Variants in POM121 observed in about 807,000 individuals in gnomAD.
The protein encoded by POM121 is POM121 transmembrane nucleoporin, also known as nuclear envelope pore membrane protein POM 121.
In POM121, 32 loss-of-function variants were observed where a neutral mutation model predicts 81.3. The observed-to-expected ratio is 0.39, with a 90% CI of 0.30 to 0.53. POM121 has a LOEUF of 0.53. Among genes scored for constraint, POM121 ranks in the 20% least tolerant of loss-of-function variants. The pLI, the probability that POM121 is intolerant of heterozygous loss-of-function variation, is 0.66. For synonymous variants in POM121, 514 were observed against 694.2 expected (o/e 0.74, Z 4.08); for missense variants, 1,138 against 1,614.6 (o/e 0.70, Z 5.06).
intron 3 of POM121, among the ~76,000 whole-genome samples, chr7:72,904,536 G>A (rs1185473144): frequency 6.6e-5 from 10 of 152,278 alleles, no homozygotes; most frequent in Non-Finnish European, 1.3e-4. Context: ...TGAGAATAAG[G>A]TCTGCTCTGT....
intron 3 of POM121, among the ~76,000 whole-genome samples, chr7:72,927,842 AC>A (rs1795617191): frequency 6.6e-6 from 1 of 152,092 alleles, no homozygotes; most frequent in Non-Finnish European, 1.5e-5. Context: ...ATGGGACCCT[AC>A]TCCAAGTGCT....
rs1379461736 is a variant in POM121, at chr7:72,888,602, T to C, written c.-520-2025T>C. Among the ~76,000 whole-genome samples the C allele has an allele frequency of 3.9e-5, 6 of 152,140 alleles. No individual in the cohort carries two copies. The East Asian group carries it at 1.2e-3, about 29-fold the overall frequency. ...TTTATTAATACCTTGTTCTTGATCTTAGTGGGAAGATATGTAGTTTTTCCC... is the reference window on the plus strand; with the variant it reads ...TTTATTAATACCTTGTTCTTGATCTCAGTGGGAAGATATGTAGTTTTTCCC... On this transcript the variant is annotated intron_variant, in intron 1 of 15. Transcript: ENST00000395270.
intron 8 of POM121, among the ~76,000 whole-genome samples, chr7:72,940,208 G>A (rs1437292806): frequency 1.3e-5 from 2 of 150,212 alleles, no homozygotes; most frequent in Non-Finnish European, 2.9e-5. Flanking sequence ...GGGATTACAG[G>A]TGCTTGCTAC....
intron 5 of POM121, among the ~76,000 whole-genome samples, chr7:72,936,842 C>T (rs1201404856): frequency 5.3e-5 from 8 of 152,100 alleles, no homozygotes; most frequent in African/African-American, 1.9e-4. Context: ...CAGGTAAGGT[C>T]TTGCTATGTT....
chr7:72,896,018 A>G (rs1791912786), intron 3 of POM121, among the ~76,000 whole-genome samples: 1 of 151,844 alleles, frequency 6.6e-6, no homozygotes, highest in East Asian at 1.9e-4. Context: ...CAAGCTCTAG[A>G]TCTGTGGCTT....
upstream of POM121, among the ~76,000 whole-genome samples, chr7:72,922,618 T>G (rs2129577335): frequency 6.6e-6 from 1 of 152,066 alleles, no homozygotes; most frequent in East Asian, 1.9e-4. Context: ...CTCGAACTCC[T>G]GAGCTCAAAG....
rs782668718 is a variant in POM121, at chr7:72,939,908, T to C, written c.1503T>C (p.Ser501=). The C allele has an allele frequency of 6.8e-6, 11 of 1,608,986 alleles. No individual in the cohort carries two copies. The highest frequency in any genetic ancestry group is 2.3e-4 in the Middle Eastern group (1 of 4,440). ...ATTCTCAGTCTACACCTGGCAGCTC[T>C]GGGCAGCGTAAGCGGAAAGTTCAGC... The part of the protein sequence containing the change: ...NSNSQSTPGS[S]GQRKRKVQLL... The change falls in exon 8 of 13, where the codon TCT becomes TCC. Residue 501 remains serine (S), a synonymous_variant. Transcript: ENST00000434423.
intron 3 of POM121, among the ~76,000 whole-genome samples, chr7:72,892,560 A>G (rs1791406541): frequency 1.3e-5 from 2 of 152,104 alleles, no homozygotes; most frequent in African/African-American, 4.8e-5. Flanking sequence ...CATTCAAATG[A>G]TCATTGTCCT....
At chr7:72,906,437 A>C (rs1278710271) in intron 3 of POM121, among the ~76,000 whole-genome samples, 1 of 152,204 alleles carries the variant, frequency 6.6e-6, no homozygotes, top group Admixed American at 6.5e-5. Context: ...CATGCCACTC[A>C]CTGGTGAAGA....
chr7:72,897,127 G>A (rs1395087958), intron 3 of POM121, among the ~76,000 whole-genome samples: 5 of 152,078 alleles, frequency 3.3e-5, no homozygotes, highest in African/African-American at 1.2e-4. Flanking sequence ...ACTCCAGCCT[G>A]GGCAACAGAG....
intron 3 of POM121, among the ~76,000 whole-genome samples, chr7:72,928,150 C>A (rs781797704): frequency 1.3e-5 from 2 of 151,898 alleles, no homozygotes. Context: ...AGGTTTGTTG[C>A]AGTGAGCCAA....
chr7:72,887,787 A>G (rs1790880178), intron 1 of POM121, among the ~76,000 whole-genome samples: 1 of 152,210 alleles, frequency 6.6e-6, no homozygotes, highest in South Asian at 2.1e-4. Context: ...AGATTGTGCC[A>G]TTGCACTCCA....
At chr7:72,935,840 A>G (rs1179960679) in intron 5 of POM121, among the ~76,000 whole-genome samples, 1 of 152,194 alleles carries the variant, frequency 6.6e-6, no homozygotes, top group South Asian at 2.1e-4. Context: ...AGTGCCTTCA[A>G]AATGTGATTG....
In POM121 at chr7:72,888,236, A is replaced by G. The variant is rs181616219; in HGVS notation, c.-520-2391A>G. 4.1e-3 allele frequency among the ~76,000 whole-genome samples: 620 copies of G among 152,146 alleles called. 2 individuals are homozygous for G. Among genetic ancestry groups the G allele is most frequent in the South Asian group, 0.011 (51 of 4,814 alleles). On this transcript the variant is annotated intron_variant, in intron 1 of 15. Coordinates refer to the POM121 transcript ENST00000395270. ...TTTGATTTTCTTCCACCTCATATGA[A>G]CTGTAGTGTCAGCTTATCTAGTTCC...
downstream of POM121, chr7:72,950,279 A>G: frequency 8.7e-7 from 1 of 1,153,064 alleles, no homozygotes. Context: ...CATGCAACAA[A>G]TGTTACCACA....
chr7:72,934,726 T>G (rs1270715156), intron 5 of POM121, among the ~76,000 whole-genome samples: 17 of 152,214 alleles, frequency 1.1e-4, no homozygotes, highest in Admixed American at 9.2e-4. Context: ...TTTGTTGTTG[T>G]TGTTGTTGTT....
downstream of POM121, chr7:72,949,816 A>G (rs375075811): frequency 7.9e-7 from 1 of 1,271,872 alleles, no homozygotes; most frequent in African/African-American, 1.5e-5. Flanking sequence ...ATCAAACCCC[A>G]TGTCCTCCTC....
At chr7:72,927,271 A>G (rs1187474595) in intron 3 of POM121, among the ~76,000 whole-genome samples, 1 of 152,216 alleles carries the variant, frequency 6.6e-6, no homozygotes. Flanking sequence ...AGAAGGCTCT[A>G]AGTCTTCCCG....
At position 72,939,345 on chromosome 7, in the gene POM121, G is replaced by A; in HGVS notation, c.1377G>A (p.Glu459=). Reference sequence around the variant, plus strand: ...CCTTTTTTCCTGACAGAGAAGAGGAGCTGTGTCATCATTCCAGTTCTTCAA... The same window carrying A: ...CCTTTTTTCCTGACAGAGAAGAGGAACTGTGTCATCATTCCAGTTCTTCAA... The part of the protein sequence containing the change: ...ERPAKKIREE[E]LCHHSSSSTP... Residue 459 remains glutamate, a synonymous_variant, in exon 7 of 13, where the codon GAG becomes GAA. Transcript: ENST00000434423. 1 of 1,613,908 alleles carries A rather than the reference G, an allele frequency of 6.2e-7. No individual in the cohort carries two copies. Among genetic ancestry groups the A allele is most frequent in the Non-Finnish European group, 8.5e-7 (1 of 1,179,820 alleles).
Sources: gnomAD v4.1 joint callset for allele counts (sites outside exome capture counted in the v4.1 genomes callset) on GRCh38, gnomAD v4.1.1 for gene constraint, MANE v1.5 for transcripts, NCBI Gene and HGNC (gene_info 2026-07-23, HGNC 2026-07-21) for gene names.